The following ITPRID2 variants were observed in gnomAD, a reference collection of about 807,000 sequenced individuals.
ITPRID2 encodes protein ITPRID2.
ITPRID2 carries 60 observed loss-of-function variants against 124.3 expected under a neutral mutation model. The observed-to-expected ratio is 0.48, with a 90% CI of 0.39 to 0.60. ITPRID2 has a LOEUF of 0.60. Among genes scored for constraint, ITPRID2 ranks in the 20% least tolerant of loss-of-function variants. ITPRID2 has a pLI of 0.00. For missense variants in ITPRID2, 1,553 were observed against 1,512.2 expected, an observed-to-expected ratio of 1.03 and a Z score of -0.45; for synonymous variants, 521 against 542.9, an observed-to-expected ratio of 0.96 and a Z score of 0.56.
intron 11 of ITPRID2, 28 bp from the exon 12 acceptor site, chr2:181,918,570 T>C (rs1390445175): frequency 1.2e-6 from 2 of 1,612,200 alleles, no homozygotes; most frequent in Non-Finnish European, 1.7e-6. Flanking sequence ...TTAACATTGG[T>C]TTTAATCCTA....
chr2:181,913,295 C>A (rs1693767988), intron 9 of ITPRID2, among the ~76,000 whole-genome samples: 1 of 152,146 alleles, frequency 6.6e-6, no homozygotes, highest in South Asian at 2.1e-4. Flanking sequence ...TCTCGATCTC[C>A]TAACCTCGTG....
At chr2:181,913,050 G>A (rs563774193) in intron 9 of ITPRID2, among the ~76,000 whole-genome samples, 3 of 151,944 alleles carry the variant, frequency 2.0e-5, no homozygotes, top group East Asian at 1.9e-4. Flanking sequence ...TAATTTACTG[G>A]CCTTAATTGT....
At position 181,892,131 on chromosome 2, in the gene ITPRID2, G is replaced by A. The variant is rs943984371; in HGVS notation, c.65G>A (p.Arg22His). ...EEELEWQVAS[R>H]RRKAWAKCRS... ...GAACTGGAGTGGCAAGTGGCGAGTC[G>A]CAGGAGGAAGGCCTGGGCCAAGTGC... Residue 22 changes from arginine to histidine, a missense_variant, in exon 1 of 18, where the codon CGC (arginine) becomes CAC (histidine). Physicochemically the swap from Arg to His is conservative, Grantham distance 29 (BLOSUM62 0). Coordinates refer to ENST00000431877, the MANE Select transcript of ITPRID2 (RefSeq NM_001130445.3). The surrounding 1 kb of genome is among the most constrained non-coding windows in gnomAD (Gnocchi z 5.2). 3.0e-5 allele frequency: 47 copies of A among 1,558,380 alleles called. No individual in the cohort carries two copies. Among genetic ancestry groups the A allele is most frequent in the Non-Finnish European group, 3.9e-5 (45 of 1,151,824 alleles).
Position 181,928,155 on chromosome 2 carries a change from A to G in ITPRID2, c.3676-6A>G, listed in dbSNP as rs952158671. 10 of 1,515,972 alleles carry G rather than the reference A, an allele frequency of 6.6e-6. No homozygotes were observed. The African/African-American group carries it at 7.0e-5, about 11-fold the overall frequency. 93.9% of individuals were successfully genotyped at this position (1,515,972 alleles called of 1,614,324 possible). A position where few individuals can be genotyped will look rare whatever the true frequency, so the allele number is the denominator to read the frequency against. ...AAATTTTTGTTTTATTGTTTTTCCA[A>G]TCTAGATTAAAGAGTCTATTGTTGG... On this transcript the variant is annotated splice_region_variant and splice_polypyrimidine_tract_variant and intron_variant, in intron 16 of 17. Transcript: ENST00000431877.
rs1310789657 is a variant in ITPRID2, at chr2:181,928,204, G to A, written c.3719G>A (p.Ser1240Asn). 1 of 1,550,788 alleles carries A rather than the reference G, an allele frequency of 6.4e-7. No individual in the cohort carries two copies. The highest frequency in any genetic ancestry group is 8.7e-7 in the Non-Finnish European group (1 of 1,146,472). ...GGGGAAATCAGACGGGAAATTGTAA[G>A]TGGACTTTTGGCAGCAGTATCTTCA... is the stretch of plus-strand genomic sequence containing the variant. ...IVGEIRREIV[S>N]GLLAAVSSSK... The change falls in exon 17 of 18, where the codon AGT (serine) becomes AAT (asparagine). Residue 1240 changes from serine to asparagine, a missense_variant. Ser to Asn is a conservative substitution (Grantham distance 46). Coordinates refer to ENST00000431877, the MANE Select transcript of ITPRID2 (RefSeq NM_001130445.3).
At chr2:181,897,388 T>A (rs182141155) in intron 4 of ITPRID2, among the ~76,000 whole-genome samples, 3 of 152,166 alleles carry the variant, frequency 2.0e-5, no homozygotes, top group Admixed American at 2.0e-4. Flanking sequence ...GTGTCTCCTG[T>A]CTTTTCCCCA....
chr2:181,920,285 G>T (rs542342784), intron 14 of ITPRID2, among the ~76,000 whole-genome samples: 1 of 152,256 alleles, frequency 6.6e-6, no homozygotes, highest in African/African-American at 2.4e-5. Flanking sequence ...GTTCTGTATT[G>T]CTAATGAATG....
Position 181,892,232 on chromosome 2 carries a change from G to A in ITPRID2, c.166G>A (p.Glu56Lys), listed in dbSNP as rs1574180439. The A allele has an allele frequency of 6.4e-7, 1 of 1,550,814 alleles. No homozygotes were observed. Among genetic ancestry groups the A allele is most frequent in the Non-Finnish European group, 8.7e-7 (1 of 1,147,012 alleles). ...ATTQDEEEDEEEDLPGAQLPA... is the reference protein window; with the variant it reads ...ATTQDEEEDEKEDLPGAQLPA... Reference sequence around the variant, plus strand: ...GACGCAGGACGAGGAGGAGGACGAGGAGGAGGACCTCCCCGGCGCGCAGCT... The same window carrying A: ...GACGCAGGACGAGGAGGAGGACGAGAAGGAGGACCTCCCCGGCGCGCAGCT... The change falls in exon 1 of 18, where the codon GAG becomes AAG. Residue 56 changes from glutamate (E) to lysine (K), a missense_variant. Glu to Lys is a moderately conservative substitution (Grantham distance 56). Transcript: ENST00000431877. The surrounding 1 kb of genome is among the most constrained non-coding windows in gnomAD (Gnocchi z 5.2).
At chr2:181,924,567 C>T (rs1051417586) in intron 16 of ITPRID2, among the ~76,000 whole-genome samples, 11 of 152,272 alleles carry the variant, frequency 7.2e-5, no homozygotes, top group African/African-American at 2.6e-4. Context: ...GAGGATTAAG[C>T]ATGTTTGGCA....
At chr2:181,920,186 A>G (rs142431646) in intron 14 of ITPRID2, among the ~76,000 whole-genome samples, 5 of 152,340 alleles carry the variant, frequency 3.3e-5, no homozygotes, top group African/African-American at 9.6e-5. Flanking sequence ...ATGAATATAC[A>G]CACATACAAT....
chr2:181,903,129 C>T (rs1418157937), intron 8 of ITPRID2, among the ~76,000 whole-genome samples: 1 of 152,130 alleles, frequency 6.6e-6, no homozygotes, highest in Non-Finnish European at 1.5e-5. Context: ...ATAAAAGATA[C>T]TTATTTTGAA....
At chr2:181,917,653 A>G (rs2125102416) in intron 11 of ITPRID2, 1 of 152,614 alleles carries the variant, frequency 6.6e-6, no homozygotes, top group South Asian at 2.1e-4. Context: ...ACTAGTGGAC[A>G]GGTGCTTTCT....
In ITPRID2 at chr2:181,899,144, A is replaced by G. The variant is rs767300059; in HGVS notation, c.503+32A>G. ...TATTCTGAAATTGTGTTGGAATTAC[A>G]TTGTGCTATAGATGACCTACTCTTA... On this transcript the variant is annotated intron_variant, in intron 6 of 17. Transcript: ENST00000431877. 20 of 1,464,916 alleles carry G rather than the reference A, an allele frequency of 1.4e-5. No homozygotes were observed. The Admixed American group carries it at 3.8e-4, about 28-fold the overall frequency. 90.7% of individuals were successfully genotyped at this position (1,464,916 alleles called of 1,614,324 possible). A position where few individuals can be genotyped will look rare whatever the true frequency, so the allele number is the denominator to read the frequency against.
rs1406540519 is a variant in ITPRID2, at chr2:181,918,857, TATC to T, written c.2974_2976del (p.His992del). ...AATGCTGCGTCAGCAAACCATGGTT[TATC>T]ATCATATGACTGAGGAGGAGAGGTA... is the stretch of plus-strand genomic sequence containing the variant. On this transcript the variant is annotated inframe_deletion, in exon 13 of 18. Coordinates refer to ENST00000431877, the MANE Select transcript of ITPRID2 (RefSeq NM_001130445.3). 6.2e-7 allele frequency: 1 copy of T among 1,614,218 alleles called. No individual in the cohort carries two copies. Among genetic ancestry groups the T allele is most frequent in the East Asian group, 2.2e-5 (1 of 44,872 alleles).
chr2:181,899,863 CT>C (rs962110750), intron 6 of ITPRID2, among the ~76,000 whole-genome samples: 2 of 152,164 alleles, frequency 1.3e-5, no homozygotes, highest in African/African-American at 4.8e-5. Context: ...ACCCTTGCCC[CT>C]CTCCCGCCCG....
chr2:181,900,952 C>G (rs775606332), intron 7 of ITPRID2, 48 bp downstream of exon 7: 3 of 1,402,678 alleles, frequency 2.1e-6, no homozygotes, highest in Non-Finnish European at 2.9e-6. Flanking sequence ...ATTATAGCAT[C>G]TACAGCAAGA....
Position 181,893,203 on chromosome 2 carries a change from A to C in ITPRID2, c.257+543A>C, listed in dbSNP as rs1444472628. The C allele has an allele frequency of 2.5e-5, 4 of 158,306 alleles. No homozygotes were observed. In the East Asian group the frequency reaches 7.2e-4, roughly 29 times the overall value. 9.8% of individuals were successfully genotyped at this position (158,306 alleles called of 1,614,324 possible). A position where few individuals can be genotyped will look rare whatever the true frequency, so the allele number is the denominator to read the frequency against. ...TGGCACTGGAATTCTCAGGGAATAGAACTTTTAAAAGCATTCAGACTGCAT... is the reference window on the plus strand; with the variant it reads ...TGGCACTGGAATTCTCAGGGAATAGCACTTTTAAAAGCATTCAGACTGCAT... On this transcript the variant is annotated intron_variant, in intron 2 of 17. Transcript: ENST00000431877.
chr2:181,928,541 C>T (rs1264190676), intron 17 of ITPRID2, among the ~76,000 whole-genome samples: 1 of 152,006 alleles, frequency 6.6e-6, no homozygotes, highest in Non-Finnish European at 1.5e-5. Flanking sequence ...TGGAATTGGA[C>T]CTTCAAACCT....
intron 8 of ITPRID2, among the ~76,000 whole-genome samples, chr2:181,903,413 A>G (rs535538004): frequency 7.5e-4 from 115 of 152,328 alleles, no homozygotes; most frequent in African/African-American, 2.5e-3. Context: ...AATAGTTCAC[A>G]GTAGTTTTAA....
Sources: allele counts gnomAD v4.1 joint callset (sites outside exome capture counted in the v4.1 genomes callset), GRCh38; gene constraint gnomAD v4.1.1; non-coding constraint Gnocchi (gnomAD v3.1); transcripts MANE v1.5; gene names NCBI Gene and HGNC (gene_info 2026-07-23, HGNC 2026-07-21).